The following VPS13B variants were observed in gnomAD, a reference collection of about 807,000 sequenced individuals.
VPS13B encodes vacuolar protein sorting 13 homolog B, also known as intermembrane lipid transfer protein VPS13B.
A neutral mutation model predicts 426.4 loss-of-function variants in VPS13B; 285 were observed. The observed-to-expected ratio is 0.67, with a 90% CI of 0.61 to 0.74. VPS13B has a LOEUF of 0.74. Ranked by LOEUF, VPS13B falls within the 30% of genes least tolerant of loss-of-function variation. The pLI is 0.00. For synonymous variants in VPS13B, 1,676 were observed against 1,676.4 expected, an observed-to-expected ratio of 1.00 and a Z score of 0.01; for missense variants, 4,537 against 4,782.6, an observed-to-expected ratio of 0.95 and a Z score of 1.51.
chr8:99,137,319 A>G (rs760634595), intron 12 of VPS13B, among the ~76,000 whole-genome samples: 3 of 151,950 alleles, frequency 2.0e-5, no homozygotes, highest in Non-Finnish European at 2.9e-5. Context: ...TTGAAAAGTT[A>G]GCGAAAATAG....
Position 99,245,349 on chromosome 8 carries a change from T to A in VPS13B, c.2516-28849T>A, listed in dbSNP as rs553597138. Among the ~76,000 whole-genome samples, 4 of 152,328 alleles carry A rather than the reference T, an allele frequency of 2.6e-5. No individual in the cohort carries two copies. The South Asian group carries it at 8.3e-4, about 32-fold the overall frequency. On this transcript the variant is annotated intron_variant, in intron 17 of 61. Coordinates refer to ENST00000357162, the MANE Select transcript of VPS13B (RefSeq NM_152564.5). ...TCAATAAACTTTAGGCATTTTCTGC[T>A]ACAATCCAAACATCCTGAGGAAAGG...
At position 99,038,183 on chromosome 8, in the gene VPS13B, A is replaced by T. The variant is rs1037304202; in HGVS notation, c.148-240A>T. On this transcript the variant is annotated intron_variant, in intron 2 of 61. Transcript: ENST00000357162. ...GTTATTTATCATTAACTATGGCCTA[A>T]CAAGGTATTTGATGCTACTTTTTGA... is the stretch of plus-strand genomic sequence containing the variant. Among the ~76,000 whole-genome samples the T allele has an allele frequency of 3.3e-5, 5 of 152,136 alleles. No homozygotes were observed. The East Asian group carries it at 9.6e-4, about 29-fold the overall frequency.
At chr8:99,684,064 T>C (rs77378490) in intron 35 of VPS13B, among the ~76,000 whole-genome samples, 3,129 of 152,326 alleles carry the variant, frequency 0.021, 48 homozygotes, top group East Asian at 0.073. Flanking sequence ...TCAAAAATGT[T>C]TTCTGCATCA....
At chr8:99,109,981 A>G (rs1371826634) in intron 5 of VPS13B, among the ~76,000 whole-genome samples, 1 of 152,026 alleles carries the variant, frequency 6.6e-6, no homozygotes, top group East Asian at 1.9e-4. Flanking sequence ...TGGTCCTACT[A>G]TTGTAATTTC....
intron 56 of VPS13B, among the ~76,000 whole-genome samples, chr8:99,857,283 C>T (rs1388767790): frequency 6.6e-6 from 1 of 152,184 alleles, no homozygotes; most frequent in Non-Finnish European, 1.5e-5. Flanking sequence ...TCTACGCCCA[C>T]GGCACCGACC....
At chr8:99,320,134 G>A (rs918532284) in intron 19 of VPS13B, among the ~76,000 whole-genome samples, 3 of 152,064 alleles carry the variant, frequency 2.0e-5, no homozygotes, top group Non-Finnish European at 4.4e-5. Context: ...CTTGTTCTTT[G>A]GAATTGTGGC....
At chr8:99,425,485 T>G (rs1403088229) in intron 21 of VPS13B, among the ~76,000 whole-genome samples, 1 of 152,178 alleles carries the variant, frequency 6.6e-6, no homozygotes, top group Admixed American at 6.5e-5. Flanking sequence ...TCTCAATAGA[T>G]GCAGAAAAGG....
chr8:99,816,345 ACCTGC>A (rs905880544), intron 44 of VPS13B, among the ~76,000 whole-genome samples: 2 of 151,932 alleles, frequency 1.3e-5, no homozygotes, highest in African/African-American at 4.8e-5. Flanking sequence ...CAGGTGATCC[ACCTGC>A]CTTGGCCTCC....
chr8:99,481,477 G>A (rs1229177670), intron 24 of VPS13B, 122 bp from the exon 25 acceptor site: 7 of 1,097,164 alleles, frequency 6.4e-6, no homozygotes, highest in Non-Finnish European at 9.6e-6. Flanking sequence ...TGATGCATTG[G>A]TAGAGTTTGT....
chr8:99,556,965 TG>T (rs5893493), intron 31 of VPS13B, among the ~76,000 whole-genome samples: 26,431 of 151,932 alleles, frequency 0.17, 2,819 homozygotes, highest in East Asian at 0.38. Context: ...CTATTGTATT[TG>T]GGGTCAATTG....
intron 17 of VPS13B, among the ~76,000 whole-genome samples, chr8:99,260,510 T>C (rs79677973): frequency 0.02 from 3,067 of 152,218 alleles, 113 homozygotes; most frequent in African/African-American, 0.07. Flanking sequence ...TAATTCAGTT[T>C]CCTGCAGTTG....
chr8:99,290,129 G>A (rs1216766325), intron 19 of VPS13B, among the ~76,000 whole-genome samples: 1 of 151,888 alleles, frequency 6.6e-6, no homozygotes, highest in Non-Finnish European at 1.5e-5. Flanking sequence ...AAAGATGAAC[G>A]AGACCCTTTT....
intron 44 of VPS13B, among the ~76,000 whole-genome samples, chr8:99,811,685 G>A (rs190038888): frequency 1.3e-5 from 2 of 152,254 alleles, no homozygotes; most frequent in East Asian, 3.9e-4. Context: ...GGTTTTAATG[G>A]TATGTCCTCG....
intron 19 of VPS13B, among the ~76,000 whole-genome samples, chr8:99,275,481 T>C (rs1818850972): frequency 6.6e-6 from 1 of 152,058 alleles, no homozygotes; most frequent in Non-Finnish European, 1.5e-5. Context: ...AATTTAGCTG[T>C]GTGTATAGTG....
chr8:99,458,848 A>G (rs77702991), intron 23 of VPS13B, among the ~76,000 whole-genome samples: 10,486 of 151,800 alleles, frequency 0.069, 437 homozygotes, highest in African/African-American at 0.11. Context: ...GATTGCAAAA[A>G]TTTTCTCCCA....
At chr8:99,739,376 C>G (rs1024267156) in intron 39 of VPS13B, among the ~76,000 whole-genome samples, 4 of 152,230 alleles carry the variant, frequency 2.6e-5, no homozygotes, top group African/African-American at 9.6e-5. Flanking sequence ...CTGCCTGCCT[C>G]TGTAGACTCC....
intron 19 of VPS13B, among the ~76,000 whole-genome samples, chr8:99,381,320 G>A (rs1277485683): frequency 6.6e-6 from 1 of 152,138 alleles, no homozygotes; most frequent in Non-Finnish European, 1.5e-5. Context: ...GGGCATTTAG[G>A]TTGATTCCAT....
At chr8:99,086,304 C>T (rs1845792435) in intron 3 of VPS13B, among the ~76,000 whole-genome samples, 2 of 152,180 alleles carry the variant, frequency 1.3e-5, no homozygotes, top group South Asian at 4.1e-4. Context: ...TGGTTTTCAG[C>T]TCCATCAGAT....
At chr8:99,441,371 A>G (rs1327796862) in intron 22 of VPS13B, among the ~76,000 whole-genome samples, 2 of 152,142 alleles carry the variant, frequency 1.3e-5, no homozygotes, top group Non-Finnish European at 2.9e-5. Flanking sequence ...ATCTTTTAAA[A>G]ATGTAGTCTT....
Sources: allele counts gnomAD v4.1 joint callset (sites outside exome capture counted in the v4.1 genomes callset), GRCh38; gene constraint gnomAD v4.1.1; transcripts MANE v1.5; gene names NCBI Gene and HGNC (gene_info 2026-07-23, HGNC 2026-07-21).